PREX2: variants seen among roughly 807,000 people sequenced by gnomAD.
PREX2 encodes the protein phosphatidylinositol-3,4,5-trisphosphate dependent Rac exchange factor 2, also known as phosphatidylinositol 3,4,5-trisphosphate-dependent Rac exchanger 2 protein.
In PREX2, 107 loss-of-function variants were observed where a neutral mutation model predicts 203.2. That is an observed-to-expected ratio of 0.53 (90% CI 0.45 to 0.62). The LOEUF (loss-of-function observed/expected upper bound fraction) is 0.62, where lower values mean the gene tolerates loss of function less well. Among genes scored for constraint, PREX2 ranks in the 20% least tolerant of loss-of-function variants. The pLI is 0.00. For synonymous variants in PREX2, 672 were observed against 663.6 expected, an observed-to-expected ratio of 1.01 and a Z score of -0.19; for missense variants, 1,777 against 1,955.9, an observed-to-expected ratio of 0.91 and a Z score of 1.72.
chr8:67,973,365 T>TA (rs1375145545), intron 1 of PREX2, among the ~76,000 whole-genome samples: 1 of 152,222 alleles, frequency 6.6e-6, no homozygotes, highest in African/African-American at 2.4e-5. Context: ...TCTGTCAAAT[T>TA]AACTTGCTGT....
intron 7 of PREX2, among the ~76,000 whole-genome samples, chr8:68,039,147 T>G (rs1808119518): frequency 6.6e-6 from 1 of 152,182 alleles, no homozygotes; most frequent in Non-Finnish European, 1.5e-5. Context: ...ATAGCAGACT[T>G]TCTTGCAGGA....
intron 20 of PREX2, among the ~76,000 whole-genome samples, chr8:68,093,164 G>C (rs1303406143): frequency 6.6e-6 from 1 of 152,026 alleles, no homozygotes; most frequent in Non-Finnish European, 1.5e-5. Context: ...GCCGAGGCAG[G>C]CAGATCACCT....
chr8:68,149,353 A>C (rs760611545), intron 34 of PREX2, among the ~76,000 whole-genome samples: 5 of 152,230 alleles, frequency 3.3e-5, no homozygotes, highest in Non-Finnish European at 5.9e-5. Flanking sequence ...GAACTGCGGA[A>C]GAACAGGAAC....
chr8:68,107,846 A>G (rs1204219844), intron 23 of PREX2, among the ~76,000 whole-genome samples: 4 of 152,210 alleles, frequency 2.6e-5, no homozygotes, highest in African/African-American at 7.2e-5. Flanking sequence ...GGCCACAGAA[A>G]TTCATTTCTT....
At chr8:68,071,885 G>T (rs1358525145) in intron 13 of PREX2, among the ~76,000 whole-genome samples, 2 of 152,128 alleles carry the variant, frequency 1.3e-5, no homozygotes, top group African/African-American at 2.4e-5. Flanking sequence ...GCATTCAGGA[G>T]CAGGAATAAA....
At chr8:68,114,438 A>G (rs1810601227) in intron 25 of PREX2, 1 of 420,888 alleles carries the variant, frequency 2.4e-6, no homozygotes, top group South Asian at 1.7e-5. Context: ...TGGCTTGAGA[A>G]GCCCTATATG....
chr8:68,161,328 C>T (rs575950452), intron 35 of PREX2, among the ~76,000 whole-genome samples: 34 of 152,062 alleles, frequency 2.2e-4, no homozygotes, highest in African/African-American at 7.7e-4. Flanking sequence ...CTCCTGACCT[C>T]GTGATCTGCC....
chr8:68,042,304 C>G (rs1052862254), intron 7 of PREX2, among the ~76,000 whole-genome samples: 24 of 152,100 alleles, frequency 1.6e-4, no homozygotes, highest in Admixed American at 1.5e-3. Flanking sequence ...TATTATTAAT[C>G]TCAGGAGAAA....
At chr8:68,070,460 T>A (rs1429670883) in intron 13 of PREX2, among the ~76,000 whole-genome samples, 1 of 152,012 alleles carries the variant, frequency 6.6e-6, no homozygotes, top group Non-Finnish European at 1.5e-5. Flanking sequence ...TAATTTTTAG[T>A]TTATCTCTTT....
chr8:68,155,029 G>A (rs995757456), intron 34 of PREX2, among the ~76,000 whole-genome samples: 2 of 152,126 alleles, frequency 1.3e-5, no homozygotes, highest in African/African-American at 4.8e-5. Flanking sequence ...GTCCTTCTAG[G>A]TGGGTTACAT....
intron 26 of PREX2, 26 bp from the exon 27 acceptor site, chr8:68,118,524 A>G (rs2129613054): frequency 6.5e-7 from 1 of 1,539,092 alleles, no homozygotes; most frequent in South Asian, 1.1e-5. Context: ...GCACTCTTAC[A>G]GTAACATGAA....
intron 17 of PREX2, 52 bp from the exon 18 acceptor site, chr8:68,083,186 CAA>C (rs1809582450): frequency 6.0e-5 from 84 of 1,397,382 alleles, no homozygotes; most frequent in Non-Finnish European, 8.2e-5. Context: ...GTGAAAAACT[CAA>C]AATTTCTTAT....
intron 37 of PREX2, among the ~76,000 whole-genome samples, chr8:68,203,365 G>A (rs1169802905): frequency 1.3e-5 from 2 of 152,112 alleles, no homozygotes; most frequent in African/African-American, 2.4e-5. Context: ...TGGAGAGGGT[G>A]TTGAATTAAT....
chr8:67,960,703 C>G (rs1805610860), intron 1 of PREX2, among the ~76,000 whole-genome samples: 1 of 152,020 alleles, frequency 6.6e-6, no homozygotes, highest in Non-Finnish European at 1.5e-5. Flanking sequence ...AAGTTGAACT[C>G]TGGTTTTCTG....
chr8:68,104,536 CAG>C (rs1810353732), intron 23 of PREX2, among the ~76,000 whole-genome samples: 1 of 152,222 alleles, frequency 6.6e-6, no homozygotes, highest in African/African-American at 2.4e-5. Context: ...ATGCCAGCTT[CAG>C]TGAGGCCTGT....
chr8:68,129,855 A>T (rs923341834), intron 31 of PREX2, among the ~76,000 whole-genome samples: 4 of 148,562 alleles, frequency 2.7e-5, no homozygotes, highest in African/African-American at 5.0e-5. Context: ...AAAAATAAAT[A>T]ATAAAAATCT....
chr8:68,176,595 G>A (rs1198810647), intron 35 of PREX2, among the ~76,000 whole-genome samples: 11 of 152,148 alleles, frequency 7.2e-5, no homozygotes, highest in African/African-American at 2.7e-4. Context: ...GGCTACTGAT[G>A]CTTCACAGAC....
rs551938545 is a variant in PREX2 at position 68,034,209 on chromosome 8, T to A, written c.705+3551T>A. ...CCTTTTATTAGTATAATTTATTATA[T>A]CTCGGTCATATAAGTTATGCAACAT... On this transcript the variant is annotated intron_variant, in intron 6 of 39. Transcript: ENST00000288368. Among the ~76,000 whole-genome samples the A allele has an allele frequency of 5.9e-5, 9 of 152,278 alleles. No homozygotes were observed. In the East Asian group the frequency reaches 1.7e-3, roughly 29 times the overall value.
At chr8:68,044,229 C>G (rs1039572828) in intron 7 of PREX2, among the ~76,000 whole-genome samples, 1 of 152,198 alleles carries the variant, frequency 6.6e-6, no homozygotes, top group East Asian at 1.9e-4. Context: ...AGCACATACT[C>G]ACTCTCCCAC....
Sources: allele counts gnomAD v4.1 joint callset (sites outside exome capture counted in the v4.1 genomes callset), GRCh38; gene constraint gnomAD v4.1.1; transcripts MANE v1.5; gene names NCBI Gene and HGNC (gene_info 2026-07-23, HGNC 2026-07-21).